POFUT2: variants seen among roughly 807,000 people sequenced by gnomAD.
POFUT2 encodes the protein protein O-fucosyltransferase 2, also known as GDP-fucose protein O-fucosyltransferase 2.
In POFUT2, 30 loss-of-function variants were observed where a neutral mutation model predicts 55.0. The observed-to-expected ratio is 0.55, with a 90% confidence interval of 0.41 to 0.74. The LOEUF (loss-of-function observed/expected upper bound fraction) is 0.74, where lower values mean the gene tolerates loss of function less well. Ranked by LOEUF, POFUT2 falls within the 30% of genes least tolerant of loss-of-function variation. The pLI, the probability that POFUT2 is intolerant of heterozygous loss-of-function variation, is 0.00. For missense variants in POFUT2, 524 were observed against 562.6 expected (o/e 0.93, Z 0.69); for synonymous variants, 267 against 231.1 (o/e 1.16, Z -1.41).
chr21:45,265,852 G>C lies in POFUT2; in HGVS notation c.1137-217C>G. On this transcript the variant is annotated intron_variant, in intron 8 of 8. Coordinates refer to ENST00000349485, the MANE Select transcript of POFUT2 (RefSeq NM_133635.6). This position sits in a 1 kb window ranked among gnomAD's most constrained non-coding sequence, Gnocchi z 4.6. ...TCGGCGCCCTGAGGGGCTCTGCCTGGTGCTGCAGCCCCATCCACACCCCAC... is the reference window on the plus strand; with the variant it reads ...TCGGCGCCCTGAGGGGCTCTGCCTGCTGCTGCAGCCCCATCCACACCCCAC... The C allele has an allele frequency of 1.4e-6, 2 of 1,384,484 alleles. No individual in the cohort carries two copies. The highest frequency in any genetic ancestry group is 1.5e-5 in the South Asian group (1 of 66,132). The allele number at this position is 1,384,484 out of a possible 1,614,324, so 85.8% of individuals were successfully genotyped here. A position where few individuals can be genotyped will look rare whatever the true frequency, so the allele number is the denominator to read the frequency against.
chr21:45,266,584 A>G (rs6518221), intron 8 of POFUT2: 732,467 of 1,053,716 alleles, frequency 0.7, 256,841 homozygotes, highest in African/African-American at 0.93. Context: ...GTGAGTTCGT[A>G]ACTGGGCTCC....
chr21:45,282,695 G>C lies in POFUT2; in HGVS notation c.528-236C>G. 1.8e-6 allele frequency: 1 copy of C among 561,810 alleles called. No individual in the cohort carries two copies. The highest frequency in any genetic ancestry group is 3.3e-6 in the Non-Finnish European group (1 of 303,166). The allele number at this position is 561,810 out of a possible 1,614,324, so 34.8% of individuals were successfully genotyped here. A position where few individuals can be genotyped will look rare whatever the true frequency, so the allele number is the denominator to read the frequency against. On this transcript the variant is annotated intron_variant, in intron 3 of 8. Coordinates refer to ENST00000349485, the MANE Select transcript of POFUT2 (RefSeq NM_133635.6). The surrounding 1 kb of genome is among the most constrained non-coding windows in gnomAD (Gnocchi z 4.6). ...CTTTCCCCATGATAGGGGCTGGCGGGATGGCCGGGGAGGCAGAGGGAGCCG... is the reference window on the plus strand; with the variant it reads ...CTTTCCCCATGATAGGGGCTGGCGGCATGGCCGGGGAGGCAGAGGGAGCCG...
At position 45,285,990 on chromosome 21, in the gene POFUT2, A is replaced by T; in HGVS notation, c.132-62T>A. 2.0e-6 allele frequency: 3 copies of T among 1,493,666 alleles called. No homozygotes were observed. Among genetic ancestry groups the T allele is most frequent in the Middle Eastern group, 1.8e-4 (1 of 5,664 alleles). 92.5% of individuals were successfully genotyped at this position (1,493,666 alleles called of 1,614,324 possible). A position where few individuals can be genotyped will look rare whatever the true frequency, so the allele number is the denominator to read the frequency against. On this transcript the variant is annotated intron_variant, in intron 1 of 8. Coordinates refer to ENST00000349485, the MANE Select transcript of POFUT2 (RefSeq NM_133635.6). This position sits in a 1 kb window ranked among gnomAD's most constrained non-coding sequence, Gnocchi z 4.9. ...CTGAGGTTTCTGCACGGAAAACCCG[A>T]CTGCTCACAAGTCTCAGCGCGTGGC...
intron 3 of POFUT2, 150 bp downstream of exon 3, chr21:45,283,233 G>T (rs895024308): frequency 4.5e-6 from 2 of 446,084 alleles, no homozygotes; most frequent in African/African-American, 4.7e-5. Flanking sequence ...ACCGTGGCGG[G>T]GGGAGGCGGG....
In POFUT2 at chr21:45,267,445, G is replaced by A. The variant is rs751375418; in HGVS notation, c.1136+145C>T. On this transcript the variant is annotated intron_variant, in intron 8 of 8. Coordinates refer to ENST00000349485, the MANE Select transcript of POFUT2 (RefSeq NM_133635.6). The surrounding 1 kb of genome is among the most constrained non-coding windows in gnomAD (Gnocchi z 4.4). Reference sequence around the variant, plus strand: ...GGGAAACACTGAACCAGATGCTACAGGAGACTCAGACGAGGAGGCAAACAG... The same window carrying A: ...GGGAAACACTGAACCAGATGCTACAAGAGACTCAGACGAGGAGGCAAACAG... 4.3e-6 allele frequency: 7 copies of A among 1,613,808 alleles called. No individual in the cohort carries two copies. Among genetic ancestry groups the A allele is most frequent in the Non-Finnish European group, 5.9e-6 (7 of 1,179,746 alleles).
rs758920054 is a variant in POFUT2 at position 45,267,699 on chromosome 21, T to C, written c.1027A>G (p.Lys343Glu). ...CTCACCATCTCGGGTAACAGCTTTTTTAGCTCTTCATATTCTGCAAAGTAG... is the reference window on the plus strand; with the variant it reads ...CTCACCATCTCGGGTAACAGCTTTTCTAGCTCTTCATATTCTGCAAAGTAG... ...DAVRKEYEEL[K>E]KLLPEMVRFE... Residue 343 changes from lysine to glutamate, a missense_variant, in exon 8 of 9, where the codon AAA becomes GAA. Around this residue, in one of 2 missense-constraint regions of POFUT2, gnomAD observed 250 missense variants for 318.2 expected, o/e 0.79. Coordinates refer to ENST00000349485, the MANE Select transcript of POFUT2 (RefSeq NM_133635.6). This position sits in a 1 kb window ranked among gnomAD's most constrained non-coding sequence, Gnocchi z 4.4. 4 of 1,614,132 alleles carry C rather than the reference T, an allele frequency of 2.5e-6. No individual in the cohort carries two copies. Among genetic ancestry groups the C allele is most frequent in the South Asian group, 1.1e-5 (1 of 91,080 alleles).
chr21:45,268,511 C>T (rs1415568267), intron 7 of POFUT2, among the ~76,000 whole-genome samples: 2 of 151,680 alleles, frequency 1.3e-5, no homozygotes, highest in South Asian at 2.1e-4. Context: ...CATCTCCGCC[C>T]GGCCGCCATC....
chr21:45,268,792 AC>A (rs2093184795), intron 7 of POFUT2, among the ~76,000 whole-genome samples: 1 of 133,162 alleles, frequency 7.5e-6, no homozygotes, highest in Non-Finnish European at 1.6e-5. Context: ...CCCGGCAGCC[AC>A]CCCGTCCGGG....
At chr21:45,286,177 G>A (rs2031385981) in intron 1 of POFUT2, among the ~76,000 whole-genome samples, 1 of 152,212 alleles carries the variant, frequency 6.6e-6, no homozygotes, top group Non-Finnish European at 1.5e-5. Context: ...AGGAATCCCA[G>A]TGACTGGAAC....
Position 45,285,299 on chromosome 21 carries a change from C to T in POFUT2, c.382+379G>A, listed in dbSNP as rs1357484623. 2.9e-5 allele frequency: 9 copies of T among 312,278 alleles called. No homozygotes were observed. The highest frequency in any genetic ancestry group is 8.6e-5 in the African/African-American group (4 of 46,542). The allele number at this position is 312,278 out of a possible 1,614,324, so 19.3% of individuals were successfully genotyped here. A position where few individuals can be genotyped will look rare whatever the true frequency, so the allele number is the denominator to read the frequency against. ...TCCCTGGCGCTGCACTGAGACACCACGAAGCATACTCCACACGCAGTGCGT... is the reference window on the plus strand; with the variant it reads ...TCCCTGGCGCTGCACTGAGACACCATGAAGCATACTCCACACGCAGTGCGT... On this transcript the variant is annotated intron_variant, in intron 2 of 8. Transcript: ENST00000349485. This position sits in a 1 kb window ranked among gnomAD's most constrained non-coding sequence, Gnocchi z 4.9.
chr21:45,267,378 A>C lies in POFUT2; in HGVS notation c.1136+212T>G. 6.3e-7 allele frequency: 1 copy of C among 1,585,260 alleles called. No individual in the cohort carries two copies. The highest frequency in any genetic ancestry group is 1.7e-5 in the Admixed American group (1 of 58,092). On this transcript the variant is annotated intron_variant, in intron 8 of 8. Coordinates refer to ENST00000349485, the MANE Select transcript of POFUT2 (RefSeq NM_133635.6). This position sits in a 1 kb window ranked among gnomAD's most constrained non-coding sequence, Gnocchi z 4.4. ...AGCCTGCTATGGAGGAATTCTGTGCATGAGAACTAAAGGGGCAAGATGAAC... is the reference window on the plus strand; with the variant it reads ...AGCCTGCTATGGAGGAATTCTGTGCCTGAGAACTAAAGGGGCAAGATGAAC...
rs2093163421 is a variant in POFUT2, at chr21:45,267,184, T to C, written c.1136+406A>G. On this transcript the variant is annotated intron_variant, in intron 8 of 8. Coordinates refer to ENST00000349485, the MANE Select transcript of POFUT2 (RefSeq NM_133635.6). The surrounding 1 kb of genome is among the most constrained non-coding windows in gnomAD (Gnocchi z 4.4). ...AGAATGATCACACGAGGGCCCACGCTCCCGGCCTCGGGGACGCTCACGGAT... is the reference window on the plus strand; with the variant it reads ...AGAATGATCACACGAGGGCCCACGCCCCCGGCCTCGGGGACGCTCACGGAT... 1.5e-6 allele frequency: 2 copies of C among 1,347,004 alleles called. No individual in the cohort carries two copies. Among genetic ancestry groups the C allele is most frequent in the East Asian group, 3.1e-5 (1 of 32,500 alleles). The allele number at this position is 1,347,004 out of a possible 1,614,324, so 83.4% of individuals were successfully genotyped here. A position where few individuals can be genotyped will look rare whatever the true frequency, so the allele number is the denominator to read the frequency against.
In POFUT2 at chr21:45,269,855, T is replaced by A. The variant is rs920558958; in HGVS notation, c.996A>T (p.Thr332=). ...GCTCCATACCCTTTCTGACGGCATC[T>A]GTGGCCACAAACACCTTGTCCAGCC... The part of the protein sequence containing the change: ...THRLDKVFVA[T]DAVRKEYEEL... The change falls in exon 7 of 9, where the codon ACA becomes ACT. Residue 332 remains threonine (T), a synonymous_variant. Transcript: ENST00000349485. The A allele has an allele frequency of 5.0e-6, 8 of 1,604,814 alleles. No homozygotes were observed. Among genetic ancestry groups the A allele is most frequent in the Non-Finnish European group, 6.8e-6 (8 of 1,177,768 alleles).
In POFUT2 at chr21:45,280,293, C is replaced by CT. The variant is rs968562835; in HGVS notation, c.638+2055dup. On this transcript the variant is annotated intron_variant, in intron 4 of 8. Coordinates refer to ENST00000349485, the MANE Select transcript of POFUT2 (RefSeq NM_133635.6). ...GGAACATGACTACATTTATCTTTTTCTTTTTTTTTACTGGGCATTATATCT... is the reference window on the plus strand; with the variant it reads ...GGAACATGACTACATTTATCTTTTTCTTTTTTTTTTACTGGGCATTATATCT... 2.4e-3 allele frequency among the ~76,000 whole-genome samples: 367 copies of CT among 151,702 alleles called. 2 individuals are homozygous for CT. The highest frequency in any genetic ancestry group is 8.3e-3 in the African/African-American group (344 of 41,422).
rs1170577157 is a variant in POFUT2 at position 45,265,993 on chromosome 21, A to C, written c.1137-358T>G. The C allele has an allele frequency of 1.6e-6, 2 of 1,218,612 alleles. No individual in the cohort carries two copies. The highest frequency in any genetic ancestry group is 2.1e-6 in the Non-Finnish European group (2 of 958,342). The allele number at this position is 1,218,612 out of a possible 1,614,324, so 75.5% of individuals were successfully genotyped here. ...AGGTCGAATACCTCCTGGGGGTCAC[A>C]TGGTGAACAATGAGAGATTCCTACT... On this transcript the variant is annotated intron_variant, in intron 8 of 8. Transcript: ENST00000349485. The surrounding 1 kb of genome is among the most constrained non-coding windows in gnomAD (Gnocchi z 4.6).
Position 45,287,752 on chromosome 21 carries a change from A to G in POFUT2, c.120T>C (p.Ala40=). Residue 40 remains alanine, a synonymous_variant, in exon 1 of 9, where the codon GCT becomes GCC. Coordinates refer to ENST00000349485, the MANE Select transcript of POFUT2 (RefSeq NM_133635.6). ...GGACGCGCGTTTACCGTCTGCGGGA[A>G]GCCGCCCCCGACAGAATATCGGCCG... ...QSAADILSGA[A]SRRRYLLYDV... The G allele has an allele frequency of 6.9e-7, 1 of 1,459,216 alleles. No individual in the cohort carries two copies. Among genetic ancestry groups the G allele is most frequent in the Non-Finnish European group, 9.1e-7 (1 of 1,098,652 alleles). The allele number at this position is 1,459,216 out of a possible 1,614,324, so 90.4% of individuals were successfully genotyped here.
chr21:45,285,375 A>G lies in POFUT2; in HGVS notation c.382+303T>C, dbSNP rs1052900955. 3.7e-5 allele frequency: 15 copies of G among 407,258 alleles called. No individual in the cohort carries two copies. Among genetic ancestry groups the G allele is most frequent in the South Asian group, 1.5e-4 (7 of 47,320 alleles). 25.2% of individuals were successfully genotyped at this position (407,258 alleles called of 1,614,324 possible). A position where few individuals can be genotyped will look rare whatever the true frequency, so the allele number is the denominator to read the frequency against. The stretch of plus-strand genomic sequence containing the variant: ...GCACAGGGAGCCGAGTCCTGTCACT[A>G]TAACACCCAGGGGTGGCCGCTTTCT... On this transcript the variant is annotated intron_variant, in intron 2 of 8. Coordinates refer to ENST00000349485, the MANE Select transcript of POFUT2 (RefSeq NM_133635.6). This position sits in a 1 kb window ranked among gnomAD's most constrained non-coding sequence, Gnocchi z 4.9.
intron 6 of POFUT2, among the ~76,000 whole-genome samples, chr21:45,272,936 C>T (rs756513136): frequency 4.6e-5 from 7 of 152,106 alleles, no homozygotes; most frequent in Non-Finnish European, 1.0e-4. Flanking sequence ...TAAATGCTTA[C>T]ATCAAAAAAT....
chr21:45,278,441 T>G (rs1340332504), intron 4 of POFUT2, among the ~76,000 whole-genome samples: 1 of 152,174 alleles, frequency 6.6e-6, no homozygotes, highest in Non-Finnish European at 1.5e-5. Flanking sequence ...AGGAGTGTAT[T>G]TGACAGTGGG....
Sources: gnomAD v4.1 joint callset for allele counts (sites outside exome capture counted in the v4.1 genomes callset) on GRCh38, gnomAD v4.1.1 for gene constraint, gnomAD v4.1.1 regional missense constraint, Gnocchi (gnomAD v3.1) non-coding constraint, MANE v1.5 for transcripts, NCBI Gene and HGNC (gene_info 2026-07-23, HGNC 2026-07-21) for gene names.